RDX: variants seen among roughly 807,000 people sequenced by gnomAD.
RDX encodes the protein radixin.
Under a neutral mutation model 83.7 loss-of-function variants are expected in RDX, and 32 were observed. The observed-to-expected ratio is 0.38, with a 90% CI of 0.29 to 0.51. The LOEUF (loss-of-function observed/expected upper bound fraction) is 0.51. Among genes scored for constraint, RDX ranks in the 20% least tolerant of loss-of-function variants. The probability of loss-of-function intolerance (pLI) is 0.87; values close to 1 mark genes in which losing one functional copy is unlikely to be tolerated. For synonymous variants in RDX, 229 were observed against 222.7 expected, an observed-to-expected ratio of 1.03 and a Z score of -0.25; for missense variants, 600 against 689.9, an observed-to-expected ratio of 0.87 and a Z score of 1.46.
intron 8 of RDX, among the ~76,000 whole-genome samples, chr11:110,254,728 G>C (rs941216126): frequency 6.6e-6 from 1 of 151,952 alleles, no homozygotes; most frequent in African/African-American, 2.4e-5. Context: ...TGCTCCTCTC[G>C]AGCCTCCCAA....
chr11:110,258,103 T>A lies in RDX; in HGVS notation c.551+3A>T. Reference sequence around the variant, plus strand: ...AAAACATAGAAAATAGCTACCCAAATACCTTAACATTCCTCTATGTTCTTC... The same window carrying A: ...AAAACATAGAAAATAGCTACCCAAAAACCTTAACATTCCTCTATGTTCTTC... On this transcript the variant is annotated splice_donor_region_variant and intron_variant, in intron 6 of 13. Coordinates refer to ENST00000645495, the MANE Select transcript of RDX (RefSeq NM_002906.4). The A allele has an allele frequency of 1.3e-6, 2 of 1,595,072 alleles. No individual in the cohort carries two copies. The highest frequency in any genetic ancestry group is 1.7e-6 in the Non-Finnish European group (2 of 1,165,032).
At position 110,257,834 on chromosome 11, in the gene RDX, T is replaced by C. The variant is rs1859607858; in HGVS notation, c.631A>G (p.Lys211Glu). 6.2e-7 allele frequency: 1 copy of C among 1,612,850 alleles called. No individual in the cohort carries two copies. The highest frequency in any genetic ancestry group is 1.3e-5 in the African/African-American group (1 of 74,904). ...CCTAGCCACAATTCAGTTCCTTTTTTATTTTTTATTTCAAAATAGTTGACT... is the reference window on the plus strand; with the variant it reads ...CCTAGCCACAATTCAGTTCCTTTTTCATTTTTTATTTCAAAATAGTTGACT... ...YGVNYFEIKNKKGTELWLGVD... is the reference protein window; with the variant it reads ...YGVNYFEIKNEKGTELWLGVD... The change falls in exon 7 of 14, where the codon AAA (lysine) becomes GAA (glutamate). Residue 211 changes from lysine to glutamate, a missense_variant. By Grantham distance (56) the Lys-to-Glu change is moderately conservative. Transcript: ENST00000645495.
intron 14 of RDX, among the ~76,000 whole-genome samples, chr11:110,203,279 T>C (rs1463630248): frequency 1.3e-5 from 2 of 152,122 alleles, no homozygotes; most frequent in Non-Finnish European, 2.9e-5. Flanking sequence ...AAAAATTGTA[T>C]GTTCTCACTG....
chr11:110,270,177 T>C (rs548475872), intron 3 of RDX, among the ~76,000 whole-genome samples: 25 of 152,018 alleles, frequency 1.6e-4, no homozygotes, highest in East Asian at 1.4e-3. Context: ...TTCTGAGAAA[T>C]GCATCGTTAG....
chr11:110,187,431 C>T (rs1271328541), intron 15 of RDX, among the ~76,000 whole-genome samples: 1 of 152,118 alleles, frequency 6.6e-6, no homozygotes. Context: ...GAGCACCTTC[C>T]TACCCAGATA....
At chr11:110,196,048 T>G (rs1200497767) in intron 15 of RDX, 2 of 152,118 alleles carry the variant, frequency 1.3e-5, no homozygotes, top group Non-Finnish European at 2.9e-5. Flanking sequence ...GGGCCCTGGG[T>G]AATGGAATAC....
intron 15 of RDX, among the ~76,000 whole-genome samples, chr11:110,184,432 T>A (rs1862946813): frequency 6.6e-6 from 1 of 151,964 alleles, no homozygotes; most frequent in Admixed American, 6.6e-5. Context: ...CCTGAGGGAC[T>A]GTGCAGAACA....
chr11:110,210,357 A>T (rs191330750), intron 14 of RDX, among the ~76,000 whole-genome samples: 1 of 84,088 alleles, frequency 1.2e-5, no homozygotes, highest in Non-Finnish European at 2.4e-5. Context: ...CCAAATCTAC[A>T]TCTGATTGGT....
chr11:110,232,225 T>C (rs1864667382), intron 13 of RDX, among the ~76,000 whole-genome samples, 192 bp from the exon 14 acceptor site: 1 of 152,182 alleles, frequency 6.6e-6, no homozygotes, highest in African/African-American at 2.4e-5. Context: ...CTTTCCACAT[T>C]TATCAACCAT....
At chr11:110,222,383 G>T (rs1864279590) in intron 14 of RDX, among the ~76,000 whole-genome samples, 2 of 152,262 alleles carry the variant, frequency 1.3e-5, no homozygotes, top group East Asian at 3.9e-4. Flanking sequence ...ATCCTTAAAA[G>T]TACATTAAAC....
At chr11:110,281,319 G>A (rs536233286) in intron 1 of RDX, among the ~76,000 whole-genome samples, 2 of 151,582 alleles carry the variant, frequency 1.3e-5, no homozygotes, top group East Asian at 3.9e-4. Context: ...ATTTCCTCCT[G>A]AGATTTTTTT....
chr11:110,180,210 T>C (rs1439917182), intron 15 of RDX, among the ~76,000 whole-genome samples: 1 of 152,182 alleles, frequency 6.6e-6, no homozygotes, highest in Non-Finnish European at 1.5e-5. Context: ...CCCTGGACTT[T>C]GTTCTTTAAG....
intron 15 of RDX, among the ~76,000 whole-genome samples, chr11:110,188,007 G>T (rs1051364209): frequency 5.9e-5 from 9 of 152,158 alleles, no homozygotes; most frequent in African/African-American, 2.2e-4. Context: ...CAAAAGAATG[G>T]CATTGGCCGG....
At chr11:110,287,392 T>C (rs1861026974) in intron 1 of RDX, among the ~76,000 whole-genome samples, 1 of 152,198 alleles carries the variant, frequency 6.6e-6, no homozygotes, top group Non-Finnish European at 1.5e-5. Flanking sequence ...TCTCTGGTAC[T>C]GTACTGCTAA....
At chr11:110,203,511 A>C (rs988310389) in intron 14 of RDX, among the ~76,000 whole-genome samples, 16 of 152,010 alleles carry the variant, frequency 1.1e-4, no homozygotes, top group African/African-American at 3.1e-4. Flanking sequence ...TACATTTAAA[A>C]ATAACTAAAA....
chr11:110,220,778 G>GT, intron 14 of RDX, among the ~76,000 whole-genome samples: 1 of 151,550 alleles, frequency 6.6e-6, no homozygotes, highest in South Asian at 2.1e-4. Flanking sequence ...GATTACAGGC[G>GT]TGAGCCACCA....
rs536163474 is a variant in RDX at position 110,271,825 on chromosome 11, T to C, written c.96+711A>G. Among the ~76,000 whole-genome samples the C allele has an allele frequency of 1.7e-4, 26 of 152,290 alleles. No individual in the cohort carries two copies. In the South Asian group the frequency reaches 5.2e-3, roughly 30 times the overall value. Reference sequence around the variant, plus strand: ...CAAATTGTTGTTAGGGATCTCTGTATAGCCTATACAGGTTGAGCATCCCTA... The same window carrying C: ...CAAATTGTTGTTAGGGATCTCTGTACAGCCTATACAGGTTGAGCATCCCTA... On this transcript the variant is annotated intron_variant, in intron 3 of 13. Coordinates refer to ENST00000645495, the MANE Select transcript of RDX (RefSeq NM_002906.4).
chr11:110,268,901 C>T (rs1419863839), intron 3 of RDX, among the ~76,000 whole-genome samples: 1 of 151,250 alleles, frequency 6.6e-6, no homozygotes, highest in Non-Finnish European at 1.5e-5. Flanking sequence ...TTACAAGTTA[C>T]ATACTATCAT....
chr11:110,176,085 T>C (rs1183170498), intron 15 of RDX, among the ~76,000 whole-genome samples: 1 of 138,354 alleles, frequency 7.2e-6, no homozygotes, highest in Non-Finnish European at 1.6e-5. Context: ...TTTTTCTTTT[T>C]TTCTTTTTTT....
Sources: gnomAD v4.1 joint callset for allele counts (sites outside exome capture counted in the v4.1 genomes callset) on GRCh38, gnomAD v4.1.1 for gene constraint, MANE v1.5 for transcripts, NCBI Gene and HGNC (gene_info 2026-07-23, HGNC 2026-07-21) for gene names.